The following STAT5A variants were observed in gnomAD, a reference collection of about 807,000 sequenced individuals.
STAT5A encodes the protein signal transducer and activator of transcription 5A, also known as epididymis secretory sperm binding protein.
A neutral mutation model predicts 100.2 loss-of-function variants in STAT5A; 26 were observed. The ratio of observed to expected loss-of-function variants is 0.26; its 90% CI spans 0.19 to 0.36. The LOEUF (loss-of-function observed/expected upper bound fraction) is 0.36. STAT5A is among the 10% of genes least tolerant of loss of function. The pLI, the probability that STAT5A is intolerant of heterozygous loss-of-function variation, is 1.00. For missense variants in STAT5A, 634 were observed against 1,027.5 expected, an observed-to-expected ratio of 0.62 and a Z score of 5.24; for synonymous variants, 330 against 424.3, an observed-to-expected ratio of 0.78 and a Z score of 2.73.
Position 42,308,926 on chromosome 17 carries a change from T to C in STAT5A, c.2063-121T>C. On this transcript the variant is annotated intron_variant, in intron 16 of 18. Transcript: ENST00000590949. The surrounding 1 kb of genome is among the most constrained non-coding windows in gnomAD (Gnocchi z 4.6). ...GTTTATTGGGGGTCCTTGGGAAATC[T>C]CATCCCAGCTGAGAACACAAGGTGA... The C allele has an allele frequency of 1.5e-6, 2 of 1,302,056 alleles. No homozygotes were observed. The highest frequency in any genetic ancestry group is 2.2e-6 in the Non-Finnish European group (2 of 911,614). 80.7% of individuals were successfully genotyped at this position (1,302,056 alleles called of 1,614,324 possible).
In STAT5A at chr17:42,304,659, C is replaced by T. The variant is rs751687660; in HGVS notation, c.1380+7C>T. On this transcript the variant is annotated splice_region_variant and intron_variant, in intron 11 of 18. Coordinates refer to ENST00000590949, the MANE Select transcript of STAT5A (RefSeq NM_001288718.2). This position sits in a 1 kb window ranked among gnomAD's most constrained non-coding sequence, Gnocchi z 4.8. ...GCTTGTGTTCCAGGTGAAGGTGAGA[C>T]CCCCAGCCCTCCTGCCCCCACTGCT... 34 of 1,613,704 alleles carry T rather than the reference C, an allele frequency of 2.1e-5. No homozygotes were observed. Among genetic ancestry groups the T allele is most frequent in the African/African-American group, 4.0e-5 (3 of 74,904 alleles).
chr17:42,298,451 G>A (rs1346980671), intron 5 of STAT5A, among the ~76,000 whole-genome samples: 3 of 150,790 alleles, frequency 2.0e-5, no homozygotes, highest in Non-Finnish European at 2.9e-5. Flanking sequence ...GTAAGCCACC[G>A]AGCCTGGCAC....
At position 42,311,527 on chromosome 17, in the gene STAT5A, G is replaced by C. The variant is rs1200723615; in HGVS notation, c.*858G>C. Reference sequence around the variant, plus strand: ...GATTGGGTCTAGGATATGGTGGGTGGACAGGGGCCCCGGGACTTGGAGGGT... The same window carrying C: ...GATTGGGTCTAGGATATGGTGGGTGCACAGGGGCCCCGGGACTTGGAGGGT... On this transcript the variant is annotated 3_prime_UTR_variant, in exon 19 of 19. Coordinates refer to ENST00000590949, the MANE Select transcript of STAT5A (RefSeq NM_001288718.2). 1 of 152,474 alleles carries C rather than the reference G, an allele frequency of 6.6e-6. No individual in the cohort carries two copies. The highest frequency in any genetic ancestry group is 1.5e-5 in the Non-Finnish European group (1 of 68,172). The allele number at this position is 152,474 out of a possible 1,614,324, so 9.4% of individuals were successfully genotyped here.
chr17:42,300,416 T>G, intron 7 of STAT5A, 135 bp downstream of exon 7: 1 of 1,301,942 alleles, frequency 7.7e-7, no homozygotes, highest in Non-Finnish European at 1.0e-6. Flanking sequence ...GGGAGCCTGG[T>G]TCCTCAATCA....
Position 42,289,417 on chromosome 17 carries a change from G to C in STAT5A, c.6G>C (p.Ala2=). The change falls in exon 2 of 19, where the codon GCG becomes GCC. Residue 2 remains alanine, a synonymous_variant. Coordinates refer to ENST00000590949, the MANE Select transcript of STAT5A (RefSeq NM_001288718.2). The part of the protein sequence containing the change: M[A]GWIQAQQLQG... Reference sequence around the variant, plus strand: ...CTCGCCCTAGGTGAACGGCCATGGCGGGCTGGATCCAGGCCCAGCAGCTGC... The same window carrying C: ...CTCGCCCTAGGTGAACGGCCATGGCCGGCTGGATCCAGGCCCAGCAGCTGC... 6.2e-7 allele frequency: 1 copy of C among 1,610,130 alleles called. No individual in the cohort carries two copies. Among genetic ancestry groups the C allele is most frequent in the Middle Eastern group, 1.7e-4 (1 of 6,036 alleles).
In STAT5A at chr17:42,309,502, G is replaced by T. The variant is rs1339569612; in HGVS notation, c.2222+18G>T. Reference sequence around the variant, plus strand: ...CCACAGAAGTAGGTGGTGTTCTCATGGGGTCCGCAGGGGAAGAACTGGGGA... The same window carrying T: ...CCACAGAAGTAGGTGGTGTTCTCATTGGGTCCGCAGGGGAAGAACTGGGGA... On this transcript the variant is annotated intron_variant, in intron 18 of 18. Transcript: ENST00000590949. 6.2e-7 allele frequency: 1 copy of T among 1,610,204 alleles called. No homozygotes were observed. Among genetic ancestry groups the T allele is most frequent in the Non-Finnish European group, 8.5e-7 (1 of 1,177,570 alleles).
rs1186642966 is a variant in STAT5A at position 42,301,441 on chromosome 17, G to A, written c.1156G>A (p.Glu386Lys). The A allele has an allele frequency of 1.2e-6, 2 of 1,614,108 alleles. No homozygotes were observed. Among genetic ancestry groups the A allele is most frequent in the South Asian group, 2.2e-5 (2 of 91,072 alleles). Residue 386 changes from glutamate to lysine, a missense_variant, in exon 9 of 19, where the codon GAG becomes AAG. This residue lies in a region of STAT5A where 98 missense variants were observed against 149.7 expected (regional missense o/e 0.65). Transcript: ENST00000590949. Reference protein sequence around the residue: ...EQQAKSLLKNENTRNECSGEI... With the variant: ...EQQAKSLLKNKNTRNECSGEI... Reference sequence around the variant, plus strand: ...GCAGGCCAAGTCTCTGCTTAAAAATGAGAACACCCGCAAGTAATTGTGCCT... The same window carrying A: ...GCAGGCCAAGTCTCTGCTTAAAAATAAGAACACCCGCAAGTAATTGTGCCT...
chr17:42,299,007 G>C (rs1229452577), intron 5 of STAT5A, among the ~76,000 whole-genome samples: 2 of 151,914 alleles, frequency 1.3e-5, no homozygotes, highest in Non-Finnish European at 2.9e-5. Context: ...TGGGCTCACA[G>C]TGAGCCCACC....
In STAT5A at chr17:42,306,152, C is replaced by T. The variant is rs2081026768; in HGVS notation, c.1474-89C>T. On this transcript the variant is annotated intron_variant, in intron 12 of 18. Coordinates refer to ENST00000590949, the MANE Select transcript of STAT5A (RefSeq NM_001288718.2). ...CTTTCTGGATCTGTCTCAGTCTCCT[C>T]TGTCTCTAGGTGTCTGTGTATCTTG... The T allele has an allele frequency of 1.9e-6, 3 of 1,596,826 alleles. No homozygotes were observed. In the Admixed American group the frequency reaches 5.2e-5, roughly 28 times the overall value.
In STAT5A at chr17:42,301,342, C is replaced by T. The variant is rs369452991; in HGVS notation, c.1057C>T (p.Arg353Cys). Residue 353 changes from arginine (R) to cysteine (C), a missense_variant, in exon 9 of 19, where the codon CGC becomes TGC. Arg to Cys is a radical substitution (Grantham distance 180, BLOSUM62 -3). Coordinates refer to ENST00000590949, the MANE Select transcript of STAT5A (RefSeq NM_001288718.2). The stretch of plus-strand genomic sequence containing the variant: ...CCAGACCAAGTTTGCAGCCACCGTA[C>T]GCCTGCTGGTGGGCGGGAAGCTGAA... ...KTQTKFAATV[R>C]LLVGGKLNVH... 9 of 1,614,074 alleles carry T rather than the reference C, an allele frequency of 5.6e-6. No individual in the cohort carries two copies. The highest frequency in any genetic ancestry group is 1.7e-5 in the Admixed American group (1 of 59,996).
In STAT5A at chr17:42,311,591, C is replaced by A. The variant is rs2081083010; in HGVS notation, c.*922C>A. On this transcript the variant is annotated 3_prime_UTR_variant, in exon 19 of 19. Coordinates refer to ENST00000590949, the MANE Select transcript of STAT5A (RefSeq NM_001288718.2). ...TCCTGGAAAAAACAAAAACAAAAAACTGCAGTGAAAGACAAGCTGCAAATC... is the reference window on the plus strand; with the variant it reads ...TCCTGGAAAAAACAAAAACAAAAAAATGCAGTGAAAGACAAGCTGCAAATC... The A allele has an allele frequency of 6.5e-6, 1 of 153,130 alleles. No homozygotes were observed. The highest frequency in any genetic ancestry group is 1.5e-5 in the Non-Finnish European group (1 of 68,678). 9.5% of individuals were successfully genotyped at this position (153,130 alleles called of 1,614,324 possible). A position where few individuals can be genotyped will look rare whatever the true frequency, so the allele number is the denominator to read the frequency against.
chr17:42,298,136 A>C (rs147222136), intron 5 of STAT5A, among the ~76,000 whole-genome samples: 2 of 150,976 alleles, frequency 1.3e-5, no homozygotes, highest in Non-Finnish European at 2.9e-5. Context: ...TGTGTTCCAC[A>C]TCCCCTGTGT....
chr17:42,289,025 CG>C (rs1392702112), intron 1 of STAT5A, among the ~76,000 whole-genome samples: 1 of 152,230 alleles, frequency 6.6e-6, no homozygotes, highest in African/African-American at 2.4e-5. Context: ...TCCCAGAAAC[CG>C]GGCCCGAGGT....
chr17:42,287,919 T>A (rs1342468806), upstream of STAT5A: 1 of 152,274 alleles, frequency 6.6e-6, no homozygotes, highest in Non-Finnish European at 1.5e-5. Flanking sequence ...GGGGTGATCT[T>A]GGCTTCACTA....
At chr17:42,298,273 G>A (rs2080939109) in intron 5 of STAT5A, among the ~76,000 whole-genome samples, 1 of 151,412 alleles carries the variant, frequency 6.6e-6, no homozygotes, top group African/African-American at 2.4e-5. Flanking sequence ...CAATTCTCCT[G>A]CCTCAGCCTC....
rs1265839707 is a variant in STAT5A, at chr17:42,310,888, C to A, written c.*219C>A. The A allele has an allele frequency of 2.8e-6, 2 of 720,688 alleles. No individual in the cohort carries two copies. The highest frequency in any genetic ancestry group is 4.4e-6 in the Non-Finnish European group (2 of 452,014). 44.6% of individuals were successfully genotyped at this position (720,688 alleles called of 1,614,324 possible). On this transcript the variant is annotated 3_prime_UTR_variant, in exon 19 of 19. Transcript: ENST00000590949. Reference sequence around the variant, plus strand: ...TGGCCTCTTTTCAGATCATGGCATCCAAGAGTGCGCCGAGTCTGTCTCTGT... The same window carrying A: ...TGGCCTCTTTTCAGATCATGGCATCAAAGAGTGCGCCGAGTCTGTCTCTGT...
chr17:42,310,216 G>A (rs2081067112), intron 18 of STAT5A, among the ~76,000 whole-genome samples: 2 of 152,262 alleles, frequency 1.3e-5, no homozygotes, highest in African/African-American at 4.8e-5. Context: ...CATTGCAGGT[G>A]GGCAGAGCCC....
chr17:42,309,447 G>C lies in STAT5A; in HGVS notation c.2185G>C (p.Val729Leu). 6.2e-7 allele frequency: 1 copy of C among 1,614,006 alleles called. No individual in the cohort carries two copies. The highest frequency in any genetic ancestry group is 8.5e-7 in the Non-Finnish European group (1 of 1,179,984). Residue 729 changes from valine (V) to leucine (L), a missense_variant, in exon 18 of 19, where the codon GTG becomes CTG. Val to Leu is a conservative substitution (Grantham distance 32). Around this residue, in one of 5 missense-constraint regions of STAT5A, gnomAD observed 88 missense variants for 95.1 expected, o/e 0.92. Coordinates refer to ENST00000590949, the MANE Select transcript of STAT5A (RefSeq NM_001288718.2). Reference sequence around the variant, plus strand: ...CATGGACCAGGCCCCCTCCCCAGCTGTGTGCCCCCAGGCTCCCTATAACAT... The same window carrying C: ...CATGGACCAGGCCCCCTCCCCAGCTCTGTGCCCCCAGGCTCCCTATAACAT... Reference protein sequence around the residue: ...TYMDQAPSPAVCPQAPYNMYP... With the variant: ...TYMDQAPSPALCPQAPYNMYP...
chr17:42,293,274 G>A (rs1214801931), intron 4 of STAT5A, among the ~76,000 whole-genome samples: 2 of 151,688 alleles, frequency 1.3e-5, no homozygotes, highest in Non-Finnish European at 2.9e-5. Context: ...GCGTGATCTC[G>A]GCTCACTGCA....
Sources: allele counts gnomAD v4.1 joint callset (sites outside exome capture counted in the v4.1 genomes callset), GRCh38; gene constraint gnomAD v4.1.1; regional missense constraint gnomAD v4.1.1; non-coding constraint Gnocchi (gnomAD v3.1); transcripts MANE v1.5; gene names NCBI Gene and HGNC (gene_info 2026-07-23, HGNC 2026-07-21).